Variants in RP1L1 observed in about 807,000 individuals in gnomAD.
RP1L1 encodes the protein retinitis pigmentosa 1-like 1 protein.
RP1L1 carries 27 observed loss-of-function variants against 15.7 expected under a neutral mutation model. The ratio of observed to expected loss-of-function variants is 1.72; its 90% CI spans 1.27 to 2.38. RP1L1 has a LOEUF of 2.38. Among genes scored for constraint, RP1L1 ranks in the 30% most tolerant of loss-of-function variants. RP1L1 has a pLI of 0.00. For missense variants in RP1L1, 4,798 were observed against 3,075.9 expected, an observed-to-expected ratio of 1.56 and a Z score of -13.24; for synonymous variants, 1,813 against 1,276.7, an observed-to-expected ratio of 1.42 and a Z score of -8.96.
Position 10,609,526 on chromosome 8 carries a change from C to T in RP1L1, c.4572G>A (p.Lys1524=). The stretch of plus-strand genomic sequence containing the variant: ...GGGCCAGGAAGGCCTTCTCCGTCTT[C>T]TTCAGTAACACGGACACCCAGATGG... ...CDPIWVSVLL[K]KTEKAFLAHL... is the part of the protein sequence containing the mutation. Residue 1524 remains lysine (K), a synonymous_variant, in exon 4 of 4, where the codon AAG becomes AAA. Coordinates refer to ENST00000382483, the MANE Select transcript of RP1L1 (RefSeq NM_178857.6). The T allele has an allele frequency of 3.7e-6, 6 of 1,608,308 alleles. No homozygotes were observed. Among genetic ancestry groups the T allele is most frequent in the Non-Finnish European group, 5.1e-6 (6 of 1,178,306 alleles).
Position 10,609,077 on chromosome 8 carries a change from G to A in RP1L1, c.5021C>T (p.Ala1674Val). 6.2e-7 allele frequency: 1 copy of A among 1,613,832 alleles called. No individual in the cohort carries two copies. Among genetic ancestry groups the A allele is most frequent in the Non-Finnish European group, 8.5e-7 (1 of 1,179,756 alleles). ...GGGACCTCTGGTTGCCCCCATTGTGGCCTTGGGGGACATAGGGCTCACTTT... is the reference window on the plus strand; with the variant it reads ...GGGACCTCTGGTTGCCCCCATTGTGACCTTGGGGGACATAGGGCTCACTTT... ...RKKVSPMSPK[A>V]TMGATRGPIK... is the part of the protein sequence containing the mutation. The change falls in exon 4 of 4, where the codon GCC becomes GTC. Residue 1674 changes from alanine (A) to valine (V), a missense_variant. Transcript: ENST00000382483.
In RP1L1 at chr8:10,608,890, C is replaced by T. The variant is rs765546875; in HGVS notation, c.5208G>A (p.Gln1736=). Reference sequence around the variant, plus strand: ...CCTCACCCTCGTCCACTCCAGGCCCCTGGCTCAGCCCCGGCCCCAGCCCTC... The same window carrying T: ...CCTCACCCTCGTCCACTCCAGGCCCTTGGCTCAGCCCCGGCCCCAGCCCTC... ...AEGGLGPGLS[Q]GPGVDEGEDG... is the part of the protein sequence containing the mutation. Residue 1736 remains glutamine (Q), a synonymous_variant, in exon 4 of 4, where the codon CAG becomes CAA. Transcript: ENST00000382483. 6.8e-6 allele frequency: 11 copies of T among 1,613,918 alleles called. No individual in the cohort carries two copies. The East Asian group carries it at 2.0e-4, about 29-fold the overall frequency.
chr8:10,607,400 G>A lies in RP1L1; in HGVS notation c.6698C>T (p.Ala2233Val). The change falls in exon 4 of 4, where the codon GCT becomes GTT. Residue 2233 changes from alanine to valine, a missense_variant. Coordinates refer to ENST00000382483, the MANE Select transcript of RP1L1 (RefSeq NM_178857.6). ...TGACTCTGGCTGGGCCTCCCCTTCAGCCTCCGGGGTCTCTACGCCTTCTGG... is the reference window on the plus strand; with the variant it reads ...TGACTCTGGCTGGGCCTCCCCTTCAACCTCCGGGGTCTCTACGCCTTCTGG... ...PEPEGVETPE[A>V]EGEAQPESEG... 6.3e-7 allele frequency: 1 copy of A among 1,592,368 alleles called. No homozygotes were observed. The highest frequency in any genetic ancestry group is 8.6e-7 in the Non-Finnish European group (1 of 1,166,756).
At chr8:10,631,312 C>A (rs1470112917) in intron 1 of RP1L1, among the ~76,000 whole-genome samples, 1 of 82,040 alleles carries the variant, frequency 1.2e-5, no homozygotes, top group Non-Finnish European at 3.1e-5. Context: ...CATGCACACA[C>A]ACGCACACAC....
At position 10,650,588 on chromosome 8, in the gene RP1L1, G is replaced by A. The variant is rs34510266; in HGVS notation, c.-20+4310C>T. 2.4e-4 allele frequency among the ~76,000 whole-genome samples: 36 copies of A among 149,068 alleles called. No homozygotes were observed. The East Asian group carries it at 5.7e-3, about 24-fold the overall frequency. On this transcript the variant is annotated intron_variant, in intron 1 of 3. Coordinates refer to ENST00000382483, the MANE Select transcript of RP1L1 (RefSeq NM_178857.6). ...TTTTTTTTAATTGAGAGGGAGTCTC[G>A]CTCTGTCGTCCAGGCTGGAGTGCAG...
At chr8:10,628,528 C>G (rs78876794) in intron 1 of RP1L1, among the ~76,000 whole-genome samples, 1 of 152,080 alleles carries the variant, frequency 6.6e-6, no homozygotes, top group South Asian at 2.1e-4. Context: ...ACCTGTGATC[C>G]AATCCTTGGT....
chr8:10,621,888 C>T (rs1221767919), intron 2 of RP1L1: 1 of 418,614 alleles, frequency 2.4e-6, no homozygotes, highest in Non-Finnish European at 4.9e-6. Flanking sequence ...GACCCAGCTT[C>T]CAATTCACTC....
At chr8:10,647,377 G>C (rs1798495212) in intron 1 of RP1L1, among the ~76,000 whole-genome samples, 1 of 151,972 alleles carries the variant, frequency 6.6e-6, no homozygotes, top group Non-Finnish European at 1.5e-5. Flanking sequence ...CCATTTTTAG[G>C]TGTACAGCCC....
intron 1 of RP1L1, among the ~76,000 whole-genome samples, chr8:10,628,724 G>T (rs916105561): frequency 6.6e-6 from 1 of 152,184 alleles, no homozygotes; most frequent in African/African-American, 2.4e-5. Flanking sequence ...GTTCTGTCTG[G>T]TAATAAAAGA....
rs755034423 is a variant in RP1L1 at position 10,611,804 on chromosome 8, T to A, written c.2294A>T (p.Asp765Val). Residue 765 changes from aspartate to valine, a missense_variant, in exon 4 of 4, where the codon GAC (aspartate) becomes GTC (valine). Asp to Val is a radical substitution (Grantham distance 152). Transcript: ENST00000382483. Reference sequence around the variant, plus strand: ...CGGCGAGCATGTCCTGGACCCCGCGTCCCCTGCCCACCCGGCAGAGGGAGC... The same window carrying A: ...CGGCGAGCATGTCCTGGACCCCGCGACCCCTGCCCACCCGGCAGAGGGAGC... Reference protein sequence around the residue: ...HNAPSAGWAGDAGSRTCSPAP... With the variant: ...HNAPSAGWAGVAGSRTCSPAP... 2 of 1,613,556 alleles carry A rather than the reference T, an allele frequency of 1.2e-6. No homozygotes were observed. The highest frequency in any genetic ancestry group is 1.1e-5 in the South Asian group (1 of 91,086).
At chr8:10,644,187 G>C (rs1258712723) in intron 1 of RP1L1, among the ~76,000 whole-genome samples, 1 of 151,842 alleles carries the variant, frequency 6.6e-6, no homozygotes, top group East Asian at 1.9e-4. Context: ...GATATCACAG[G>C]GTTACTCACT....
At chr8:10,624,915 C>A (rs928710462) in intron 1 of RP1L1, among the ~76,000 whole-genome samples, 1 of 152,162 alleles carries the variant, frequency 6.6e-6, no homozygotes, top group African/African-American at 2.4e-5. Context: ...CAACAGCAAG[C>A]ACCTCACCTT....
chr8:10,636,246 G>C (rs966720004), intron 1 of RP1L1, among the ~76,000 whole-genome samples: 1 of 152,194 alleles, frequency 6.6e-6, no homozygotes, highest in Non-Finnish European at 1.5e-5. Flanking sequence ...CTTTAAAGAA[G>C]GGTTCTGGGG....
In RP1L1 at chr8:10,611,924, C is replaced by A. The variant is rs529460241; in HGVS notation, c.2174G>T (p.Gly725Val). 1.0e-4 allele frequency: 162 copies of A among 1,613,750 alleles called. No homozygotes were observed. The highest frequency in any genetic ancestry group is 1.2e-4 in the Non-Finnish European group (145 of 1,180,032). ...CAGAAGGTCCTGGGAAGGAAGAGAG[C>A]CCGAGGAGGGAGGTCTCAGGTTCCC... ...ASGNLRPPSS[G>V]SLPSQDLLGT... Residue 725 changes from glycine to valine, a missense_variant, in exon 4 of 4, where the codon GGC (glycine) becomes GTC (valine). Gly to Val is a moderately radical substitution (Grantham distance 109). Transcript: ENST00000382483.
At position 10,611,788 on chromosome 8, in the gene RP1L1, T is replaced by C. The variant is rs1797862283; in HGVS notation, c.2310A>G (p.Thr770=). Reference sequence around the variant, plus strand: ...GGGGAGGTATGGGGGCCGGCGAGCATGTCCTGGACCCCGCGTCCCCTGCCC... The same window carrying C: ...GGGGAGGTATGGGGGCCGGCGAGCACGTCCTGGACCCCGCGTCCCCTGCCC... ...AGWAGDAGSR[T]CSPAPIPPHT... The change falls in exon 4 of 4, where the codon ACA becomes ACG. Residue 770 remains threonine (T), a synonymous_variant. Coordinates refer to ENST00000382483, the MANE Select transcript of RP1L1 (RefSeq NM_178857.6). 3.7e-6 allele frequency: 6 copies of C among 1,613,514 alleles called. No homozygotes were observed. Among genetic ancestry groups the C allele is most frequent in the African/African-American group, 1.3e-5 (1 of 74,934 alleles).
At chr8:10,622,110 T>C (rs548708127) in intron 2 of RP1L1, among the ~76,000 whole-genome samples, 8 of 151,798 alleles carry the variant, frequency 5.3e-5, no homozygotes, top group Admixed American at 5.2e-4. Context: ...TCACCTGAGG[T>C]TGGGAGTTCA....
chr8:10,609,851 G>C lies in RP1L1; in HGVS notation c.4247C>G (p.Pro1416Arg). 1 of 1,614,144 alleles carries C rather than the reference G, an allele frequency of 6.2e-7. No individual in the cohort carries two copies. The highest frequency in any genetic ancestry group is 8.5e-7 in the Non-Finnish European group (1 of 1,180,030). Residue 1416 changes from proline (P) to arginine (R), a missense_variant, in exon 4 of 4, where the codon CCG (proline) becomes CGG (arginine). Pro to Arg is a moderately radical substitution (Grantham distance 103). Coordinates refer to ENST00000382483, the MANE Select transcript of RP1L1 (RefSeq NM_178857.6). ...HGQELSEASS[P>R]DGKGSQEDDP... The stretch of plus-strand genomic sequence containing the variant: ...ATCTTCCTGGGAGCCTTTCCCATCC[G>C]GAGAGCTGGCCTCTGACAATTCCTG...
chr8:10,650,310 G>A (rs537793982), intron 1 of RP1L1, among the ~76,000 whole-genome samples: 6 of 152,278 alleles, frequency 3.9e-5, no homozygotes, highest in African/African-American at 1.4e-4. Context: ...TTTTAGCTGG[G>A]AATTTTGTTT....
Position 10,611,548 on chromosome 8 carries a change from G to T in RP1L1, c.2550C>A (p.Gly850=), listed in dbSNP as rs759486834. The T allele has an allele frequency of 6.3e-6, 10 of 1,596,558 alleles. No individual in the cohort carries two copies. The highest frequency in any genetic ancestry group is 1.3e-5 in the African/African-American group (1 of 74,750). Residue 850 remains glycine, a synonymous_variant, in exon 4 of 4, where the codon GGC becomes GGA. Transcript: ENST00000382483. ...GPSPEASWLC[G]RYCPTPPRGR... Reference sequence around the variant, plus strand: ...CCCTGGGCGGGGTGGGACAGTACCTGCCACACAGCCAGCTAGCCTCAGGGG... The same window carrying T: ...CCCTGGGCGGGGTGGGACAGTACCTTCCACACAGCCAGCTAGCCTCAGGGG...
Sources: allele counts gnomAD v4.1 joint callset (sites outside exome capture counted in the v4.1 genomes callset), GRCh38; gene constraint gnomAD v4.1.1; transcripts MANE v1.5; gene names NCBI Gene and HGNC (gene_info 2026-07-23, HGNC 2026-07-21).